ENOX1: variants seen among roughly 807,000 people sequenced by gnomAD.
ENOX1 encodes the protein ecto-NOX disulfide-thiol exchanger 1.
Under a neutral mutation model 82.5 loss-of-function variants are expected in ENOX1, and 42 were observed. That is an observed-to-expected ratio of 0.51 (90% CI 0.40 to 0.66). ENOX1 has a LOEUF of 0.66. Among genes scored for constraint, ENOX1 ranks in the 30% least tolerant of loss-of-function variants. The pLI is 0.00. For missense variants in ENOX1, 608 were observed against 811.6 expected, an observed-to-expected ratio of 0.75 and a Z score of 3.05; for synonymous variants, 271 against 282.2, an observed-to-expected ratio of 0.96 and a Z score of 0.40.
At chr13:43,707,639 A>G (rs907505239) in intron 1 of ENOX1, among the ~76,000 whole-genome samples, 2 of 147,002 alleles carry the variant, frequency 1.4e-5, no homozygotes, top group African/African-American at 5.0e-5. Context: ...AGGCTGAGGC[A>G]GGAGAATGGC....
At chr13:43,776,381 A>C (rs1401286951) in intron 1 of ENOX1, among the ~76,000 whole-genome samples, 2 of 152,186 alleles carry the variant, frequency 1.3e-5, no homozygotes, top group East Asian at 1.9e-4. Context: ...AGAGATTCCT[A>C]GTGGCAGGGG....
intron 2 of ENOX1, among the ~76,000 whole-genome samples, chr13:43,656,955 C>T (rs181448064): frequency 1.8e-4 from 27 of 152,206 alleles, no homozygotes; most frequent in African/African-American, 5.8e-4. Context: ...TATCTTTTTC[C>T]TTGTATTAAA....
At chr13:43,365,866 G>T (rs2050815232) in intron 5 of ENOX1, among the ~76,000 whole-genome samples, 1 of 152,240 alleles carries the variant, frequency 6.6e-6, no homozygotes, top group African/African-American at 2.4e-5. Context: ...CAGGGACAGA[G>T]TAAGTGTGTG....
chr13:43,497,686 G>A (rs1231761725), intron 2 of ENOX1, among the ~76,000 whole-genome samples: 2 of 151,982 alleles, frequency 1.3e-5, no homozygotes, highest in South Asian at 2.1e-4. Context: ...AAGGCATATC[G>A]ATGTGTGACT....
intron 1 of ENOX1, among the ~76,000 whole-genome samples, chr13:43,760,210 C>T (rs756124449): frequency 6.6e-6 from 1 of 152,138 alleles, no homozygotes; most frequent in Admixed American, 6.5e-5. Context: ...GGTCTAAGTG[C>T]ACTTTGTAGA....
intron 3 of ENOX1, among the ~76,000 whole-genome samples, chr13:43,464,957 C>G (rs2057654179): frequency 6.6e-6 from 1 of 152,124 alleles, no homozygotes; most frequent in Admixed American, 6.5e-5. Context: ...TTAAAGCATG[C>G]CCTCACTTTT....
In ENOX1 at chr13:43,659,014, T is replaced by TG. The variant is rs59004875; in HGVS notation, c.-219+8464_-219+8465insC. ...GAATCTGGTGTACTATTTTTGGATG[T>TG]AAGAACCAATCCTCTAAGCTTCTTA... On this transcript the variant is annotated intron_variant, in intron 2 of 16. Coordinates refer to ENST00000690772, the MANE Select transcript of ENOX1 (RefSeq NM_001347969.2). Among the ~76,000 whole-genome samples, 396 of 152,298 alleles carry TG rather than the reference T, an allele frequency of 2.6e-3. 1 individual carries two copies. Among genetic ancestry groups the TG allele is most frequent in the African/African-American group, 9.1e-3 (379 of 41,574 alleles).
intron 2 of ENOX1, 42 bp downstream of exon 2, chr13:43,667,437 C>T (rs759527201): frequency 2.0e-6 from 2 of 984,520 alleles, no homozygotes; most frequent in Non-Finnish European, 2.4e-6. Context: ...ATGGTGACAA[C>T]CAACCTGCTT....
intron 1 of ENOX1, among the ~76,000 whole-genome samples, chr13:43,679,347 G>A (rs2085670128): frequency 6.6e-6 from 1 of 152,136 alleles, no homozygotes; most frequent in East Asian, 1.9e-4. Context: ...CATCTTTGAG[G>A]GTTTACCAGG....
intron 12 of ENOX1, among the ~76,000 whole-genome samples, chr13:43,272,413 T>C (rs999813007): frequency 1.3e-5 from 2 of 152,168 alleles, no homozygotes; most frequent in African/African-American, 2.4e-5. Context: ...CTCTCTGGGA[T>C]GGTTATGCCA....
chr13:43,491,349 T>A (rs963471584), intron 2 of ENOX1, among the ~76,000 whole-genome samples: 1 of 152,142 alleles, frequency 6.6e-6, no homozygotes, highest in Non-Finnish European at 1.5e-5. Flanking sequence ...AACATGAGAT[T>A]TGGAGGGGAC....
At chr13:43,743,948 C>G (rs1949888682) in intron 1 of ENOX1, among the ~76,000 whole-genome samples, 2 of 152,002 alleles carry the variant, frequency 1.3e-5, no homozygotes, top group South Asian at 4.2e-4. Context: ...TATAACAAAC[C>G]CAGTCTCACA....
Position 43,286,440 on chromosome 13 carries a change from G to A in ENOX1, c.1446+11906C>T, listed in dbSNP as rs1019508025. 2.0e-5 allele frequency among the ~76,000 whole-genome samples: 3 copies of A among 152,184 alleles called. No homozygotes were observed. In the South Asian group the frequency reaches 6.2e-4, roughly 32 times the overall value. On this transcript the variant is annotated intron_variant, in intron 12 of 16. Coordinates refer to ENST00000690772, the MANE Select transcript of ENOX1 (RefSeq NM_001347969.2). Reference sequence around the variant, plus strand: ...GCCAGGAACACAGCGTTGGGAAAAGGAGAGTTCCTTTATCCTGGGAATGGA... The same window carrying A: ...GCCAGGAACACAGCGTTGGGAAAAGAAGAGTTCCTTTATCCTGGGAATGGA...
rs958511632 is a variant in ENOX1, at chr13:43,254,453, G to A, written c.1611+10945C>T. 3.3e-5 allele frequency among the ~76,000 whole-genome samples: 5 copies of A among 151,886 alleles called. No homozygotes were observed. The East Asian group carries it at 9.6e-4, about 29-fold the overall frequency. Reference sequence around the variant, plus strand: ...GGCTGTTTATTTCATTATTTACCAAGTAGGGGCTTAGCTTTAATTAAAAAA... The same window carrying A: ...GGCTGTTTATTTCATTATTTACCAAATAGGGGCTTAGCTTTAATTAAAAAA... On this transcript the variant is annotated intron_variant, in intron 14 of 16. Coordinates refer to ENST00000690772, the MANE Select transcript of ENOX1 (RefSeq NM_001347969.2).
chr13:43,242,589 GT>G (rs2042891105), intron 14 of ENOX1, among the ~76,000 whole-genome samples: 1 of 152,158 alleles, frequency 6.6e-6, no homozygotes, highest in African/African-American at 2.4e-5. Flanking sequence ...AAATACTTGG[GT>G]TTCAGCCTTG....
chr13:43,215,671 G>A (rs1161252469), intron 16 of ENOX1, among the ~76,000 whole-genome samples: 3 of 152,164 alleles, frequency 2.0e-5, no homozygotes, highest in South Asian at 2.1e-4. Flanking sequence ...GGCCTTGATT[G>A]GTGTGCCTTA....
chr13:43,765,445 C>T (rs892704672), intron 1 of ENOX1, among the ~76,000 whole-genome samples: 25 of 152,106 alleles, frequency 1.6e-4, no homozygotes, highest in Admixed American at 1.5e-3. Context: ...TAGCTTAGTT[C>T]CCTTGTCTAT....
chr13:43,732,742 G>T (rs1245690688), intron 1 of ENOX1, among the ~76,000 whole-genome samples: 1 of 152,212 alleles, frequency 6.6e-6, no homozygotes, highest in Non-Finnish European at 1.5e-5. Flanking sequence ...AAAGTTCAGA[G>T]GGCAGAGCAT....
intron 5 of ENOX1, among the ~76,000 whole-genome samples, chr13:43,374,914 GA>G (rs2153570488): frequency 6.6e-6 from 1 of 152,268 alleles, no homozygotes; most frequent in Admixed American, 6.5e-5. Flanking sequence ...AGCAGAGGGG[GA>G]AAAGCAGGAT....
Sources: gnomAD v4.1 joint callset for allele counts (sites outside exome capture counted in the v4.1 genomes callset) on GRCh38, gnomAD v4.1.1 for gene constraint, MANE v1.5 for transcripts, NCBI Gene and HGNC (gene_info 2026-07-23, HGNC 2026-07-21) for gene names.